Variants in MYT1L observed in about 807,000 individuals in gnomAD.
MYT1L encodes myelin transcription factor 1-like protein.
Under a neutral mutation model 126.7 loss-of-function variants are expected in MYT1L, and 12 were observed. The observed-to-expected ratio is 0.09, with a 90% confidence interval of 0.06 to 0.15. MYT1L has a LOEUF of 0.15. Among genes scored for constraint, MYT1L ranks in the 10% least tolerant of loss-of-function variants. The pLI is 1.00. For synonymous variants in MYT1L, 541 were observed against 604.2 expected (o/e 0.90, Z 1.53); for missense variants, 979 against 1,585.2 (o/e 0.62, Z 6.49).
At chr2:1,945,492 A>C (rs2057125655) in intron 8 of MYT1L, among the ~76,000 whole-genome samples, 1 of 151,864 alleles carries the variant, frequency 6.6e-6, no homozygotes, top group Non-Finnish European at 1.5e-5. Flanking sequence ...GCTGGGAGAG[A>C]GCGTGAGAGC....
At chr2:1,827,808 G>A (rs1031386281) in intron 21 of MYT1L, 2 of 152,142 alleles carry the variant, frequency 1.3e-5, no homozygotes, top group Admixed American at 1.3e-4. Context: ...TACCCTCCTG[G>A]GGATCCAGAG....
At chr2:2,067,532 C>A (rs575231414) in intron 3 of MYT1L, among the ~76,000 whole-genome samples, 2 of 152,252 alleles carry the variant, frequency 1.3e-5, no homozygotes, top group African/African-American at 4.8e-5. Flanking sequence ...TTGATACCAA[C>A]CTGGATAACA....
At chr2:2,316,861 A>G (rs937508396) in intron 1 of MYT1L, among the ~76,000 whole-genome samples, 29 of 151,592 alleles carry the variant, frequency 1.9e-4, no homozygotes, top group African/African-American at 7.0e-4. Context: ...CCGAGGATGG[A>G]GTGCAGTGGC....
At chr2:2,200,663 TAG>T (rs141834965) in intron 2 of MYT1L, among the ~76,000 whole-genome samples, 7 of 150,368 alleles carry the variant, frequency 4.7e-5, no homozygotes, top group Admixed American at 1.3e-4. Context: ...ACCACACCCA[TAG>T]AGAGAGAGAG....
intron 3 of MYT1L, among the ~76,000 whole-genome samples, chr2:2,134,181 G>T (rs1451267233): frequency 6.6e-6 from 1 of 152,076 alleles, no homozygotes; most frequent in African/African-American, 2.4e-5. Flanking sequence ...CTCTCATGCT[G>T]GCACCCCTGG....
chr2:2,317,817 C>A (rs2149665570), intron 1 of MYT1L, among the ~76,000 whole-genome samples: 1 of 152,124 alleles, frequency 6.6e-6, no homozygotes, highest in East Asian at 1.9e-4. Flanking sequence ...CCAAAATAAT[C>A]AGTAAAATGA....
intron 1 of MYT1L, among the ~76,000 whole-genome samples, chr2:2,307,925 C>CTA (rs1553638236): frequency 6.7e-6 from 1 of 149,832 alleles, no homozygotes; most frequent in East Asian, 1.9e-4. Flanking sequence ...TATACTCCAC[C>CTA]TATACTTCAT....
intron 3 of MYT1L, among the ~76,000 whole-genome samples, chr2:2,058,407 CA>C (rs1329651517): frequency 6.6e-6 from 1 of 152,172 alleles, no homozygotes; most frequent in South Asian, 2.1e-4. Context: ...TTTTGTAGAG[CA>C]AAAGTTTTAA....
intron 4 of MYT1L, among the ~76,000 whole-genome samples, chr2:2,011,191 C>A (rs374123127): frequency 3.2e-4 from 49 of 152,190 alleles, no homozygotes; most frequent in African/African-American, 1.1e-3. Flanking sequence ...GAGTTTGAGA[C>A]CAGCCTGGCC....
intron 2 of MYT1L, among the ~76,000 whole-genome samples, chr2:2,187,746 T>C (rs527949399): frequency 6.6e-6 from 1 of 152,218 alleles, no homozygotes; most frequent in South Asian, 2.1e-4. Context: ...GGCCAATATA[T>C]CTTACTGGAT....
chr2:2,077,467 G>C (rs1473224615), intron 3 of MYT1L, among the ~76,000 whole-genome samples: 1 of 152,122 alleles, frequency 6.6e-6, no homozygotes, highest in African/African-American at 2.4e-5. Context: ...GCAGAGAATA[G>C]ATTTGAAACA....
intron 23 of MYT1L, among the ~76,000 whole-genome samples, chr2:1,796,081 G>A (rs572370595): frequency 1.5e-4 from 23 of 152,298 alleles, no homozygotes; most frequent in Non-Finnish European, 2.9e-4. Context: ...TAACATATAA[G>A]AGCTATTAAA....
chr2:2,294,969 G>T (rs2095650179), intron 1 of MYT1L, among the ~76,000 whole-genome samples: 1 of 151,880 alleles, frequency 6.6e-6, no homozygotes, highest in Admixed American at 6.6e-5. Context: ...TTTTTTTTAG[G>T]TGGTGATCTC....
chr2:1,815,658 C>T (rs1472540760), intron 21 of MYT1L, among the ~76,000 whole-genome samples: 1 of 152,190 alleles, frequency 6.6e-6, no homozygotes, highest in Non-Finnish European at 1.5e-5. Context: ...CCCCTGGGTA[C>T]ACCTCCATGG....
At chr2:2,105,941 A>T (rs1007487661) in intron 3 of MYT1L, among the ~76,000 whole-genome samples, 4 of 152,220 alleles carry the variant, frequency 2.6e-5, no homozygotes, top group Non-Finnish European at 4.4e-5. Context: ...TATTCCCGAG[A>T]CAGGGTGATT....
At chr2:2,292,222 C>T (rs894897042) in intron 1 of MYT1L, among the ~76,000 whole-genome samples, 1 of 152,176 alleles carries the variant, frequency 6.6e-6, no homozygotes, top group African/African-American at 2.4e-5. Flanking sequence ...CTCTGGGGTC[C>T]GTGGCTCAGG....
At chr2:2,250,277 C>A (rs985783886) in intron 2 of MYT1L, among the ~76,000 whole-genome samples, 1 of 152,080 alleles carries the variant, frequency 6.6e-6, no homozygotes, top group African/African-American at 2.4e-5. Flanking sequence ...AAGTGTCCAT[C>A]AACAGATGAA....
chr2:2,196,136 A>T (rs1177731139), intron 2 of MYT1L, among the ~76,000 whole-genome samples: 3 of 151,838 alleles, frequency 2.0e-5, no homozygotes, highest in Non-Finnish European at 4.4e-5. Flanking sequence ...TCAGGAAAAA[A>T]TTTTTTAAAT....
At chr2:1,860,031 C>G (rs2148607020) in intron 18 of MYT1L, among the ~76,000 whole-genome samples, 1 of 152,362 alleles carries the variant, frequency 6.6e-6, no homozygotes, top group South Asian at 2.1e-4. Context: ...ACCATGCAGC[C>G]TAGGACTCTT....
Sources: gnomAD v4.1 joint callset for allele counts (sites outside exome capture counted in the v4.1 genomes callset) on GRCh38, gnomAD v4.1.1 for gene constraint, MANE v1.5 for transcripts, NCBI Gene and HGNC (gene_info 2026-07-23, HGNC 2026-07-21) for gene names.